Variants in MLLT11 observed in about 807,000 individuals in gnomAD.
MLLT11 encodes protein AF1q.
A neutral mutation model predicts 5.3 loss-of-function variants in MLLT11; 1 was observed. The observed-to-expected ratio is 0.19, with a 90% confidence interval of 0.07 to 0.89. The LOEUF (loss-of-function observed/expected upper bound fraction) is 0.89. Ranked by LOEUF, MLLT11 falls within the 40% of genes least tolerant of loss-of-function variation. The pLI is 0.67. For synonymous variants in MLLT11, 38 were observed against 41.7 expected (o/e 0.91, Z 0.34); for missense variants, 87 against 107.3 (o/e 0.81, Z 0.83).
intron 1 of MLLT11, 105 bp from the exon 2 acceptor site, chr1:151,067,114 A>G (rs1676485644): frequency 3.1e-6 from 3 of 969,842 alleles, no homozygotes; most frequent in African/African-American, 3.3e-5. Flanking sequence ...AAAAAAAAAA[A>G]AAGAAATTCC....
At chr1:151,060,948 A>G (rs935880204) in intron 1 of MLLT11, among the ~76,000 whole-genome samples, 1 of 151,770 alleles carries the variant, frequency 6.6e-6, no homozygotes, top group African/African-American at 2.4e-5. Context: ...GTAGTGTTCT[A>G]TGTTTCTCTG....
Position 151,068,985 on chromosome 1 carries a change from G to C in MLLT11, c.*1488G>C, listed in dbSNP as rs1250058605. On this transcript the variant is annotated 3_prime_UTR_variant, in exon 2 of 2. Coordinates refer to ENST00000368921, the MANE Select transcript of MLLT11 (RefSeq NM_006818.4). Reference sequence around the variant, plus strand: ...ACTTCGCATTGAACAGATAATGAAAGGGCAAAATCAACTTAAAATTAGAAA... The same window carrying C: ...ACTTCGCATTGAACAGATAATGAAACGGCAAAATCAACTTAAAATTAGAAA... Among the ~76,000 whole-genome samples the C allele has an allele frequency of 6.6e-6, 1 of 152,162 alleles. No individual in the cohort carries two copies. The highest frequency in any genetic ancestry group is 1.5e-5 in the Non-Finnish European group (1 of 68,030).
At chr1:151,061,388 A>T (rs587667244) in intron 1 of MLLT11, among the ~76,000 whole-genome samples, 2 of 152,234 alleles carry the variant, frequency 1.3e-5, no homozygotes, top group Admixed American at 6.5e-5. Flanking sequence ...TGGACAAAGG[A>T]TATTTGGGCG....
chr1:151,062,368 T>G, intron 1 of MLLT11, among the ~76,000 whole-genome samples: 1 of 150,902 alleles, frequency 6.6e-6, no homozygotes, highest in East Asian at 1.9e-4. Context: ...GATTCTATTT[T>G]TTTTTTTTTT....
At chr1:151,066,653 G>A (rs745649155) in intron 1 of MLLT11, among the ~76,000 whole-genome samples, 6 of 152,060 alleles carry the variant, frequency 3.9e-5, no homozygotes, top group African/African-American at 1.2e-4. Flanking sequence ...GGCCGGGCGC[G>A]GTGGCTCACA....
chr1:151,065,736 A>G (rs587751520), intron 1 of MLLT11, among the ~76,000 whole-genome samples: 2 of 152,378 alleles, frequency 1.3e-5, no homozygotes, highest in East Asian at 3.9e-4. Context: ...ACCATGAGCT[A>G]TTAAACCAAA....
In MLLT11 at chr1:151,067,793, G is replaced by A. The variant is rs779411264; in HGVS notation, c.*296G>A. The A allele has an allele frequency of 3.9e-5, 18 of 456,918 alleles. No individual in the cohort carries two copies. Among genetic ancestry groups the A allele is most frequent in the Non-Finnish European group, 5.7e-5 (14 of 243,956 alleles). 28.3% of individuals were successfully genotyped at this position (456,918 alleles called of 1,614,324 possible). A position where few individuals can be genotyped will look rare whatever the true frequency, so the allele number is the denominator to read the frequency against. On this transcript the variant is annotated 3_prime_UTR_variant, in exon 2 of 2. Coordinates refer to ENST00000368921, the MANE Select transcript of MLLT11 (RefSeq NM_006818.4). Reference sequence around the variant, plus strand: ...ACTAGGCCTGACTGGGGACACCTGAGAGTAGTATAGTAGTGCAAAATGGAA... The same window carrying A: ...ACTAGGCCTGACTGGGGACACCTGAAAGTAGTATAGTAGTGCAAAATGGAA...
intron 1 of MLLT11, among the ~76,000 whole-genome samples, chr1:151,061,147 G>A (rs967172334): frequency 2.0e-5 from 3 of 152,174 alleles, no homozygotes; most frequent in Non-Finnish European, 4.4e-5. Flanking sequence ...TAGCCCACAG[G>A]AGCTAGGTAT....
intron 1 of MLLT11, among the ~76,000 whole-genome samples, chr1:151,061,580 T>C (rs587668243): frequency 6.6e-6 from 1 of 152,298 alleles, no homozygotes; most frequent in East Asian, 1.9e-4. Context: ...CAAAACCCTT[T>C]AAGTAAATGA....
intron 1 of MLLT11, among the ~76,000 whole-genome samples, chr1:151,066,818 G>A (rs1402510384): frequency 1.3e-5 from 2 of 152,004 alleles, no homozygotes; most frequent in Non-Finnish European, 2.9e-5. Flanking sequence ...CCAGATACTC[G>A]GGAGGCTGAG....
In MLLT11 at chr1:151,067,519, T is replaced by A. The variant is rs1558112451; in HGVS notation, c.*22T>A. On this transcript the variant is annotated 3_prime_UTR_variant, in exon 2 of 2. Coordinates refer to ENST00000368921, the MANE Select transcript of MLLT11 (RefSeq NM_006818.4). ...CTAAGGCCAAGACTTCTCTCTCCCA[T>A]CACCTTGCCCTCATTGTCTTCCCTC... 1.2e-6 allele frequency: 2 copies of A among 1,608,330 alleles called. No homozygotes were observed.
intron 1 of MLLT11, among the ~76,000 whole-genome samples, chr1:151,064,977 C>T (rs1443197336): frequency 6.6e-6 from 1 of 151,716 alleles, no homozygotes; most frequent in Non-Finnish European, 1.5e-5. Flanking sequence ...TAAATGATAC[C>T]GTTTAAGATA....
intron 1 of MLLT11, among the ~76,000 whole-genome samples, chr1:151,062,224 A>G (rs1388298878): frequency 6.6e-6 from 1 of 152,172 alleles, no homozygotes; most frequent in East Asian, 1.9e-4. Context: ...GCAACTATCC[A>G]TGTACAACAC....
At chr1:151,061,542 G>T (rs1248578973) in intron 1 of MLLT11, among the ~76,000 whole-genome samples, 3 of 152,130 alleles carry the variant, frequency 2.0e-5, no homozygotes, top group Non-Finnish European at 4.4e-5. Flanking sequence ...AGCATTTATT[G>T]AACATATATT....
chr1:151,067,486 G>C lies in MLLT11; in HGVS notation c.262G>C (p.Asp88His), dbSNP rs779882393. 1.2e-6 allele frequency: 2 copies of C among 1,613,540 alleles called. No individual in the cohort carries two copies. Among genetic ancestry groups the C allele is most frequent in the South Asian group, 2.2e-5 (2 of 91,054 alleles). Residue 88 changes from aspartate to histidine, a missense_variant, in exon 2 of 2, where the codon GAC (aspartate) becomes CAC (histidine). Transcript: ENST00000368921. ...PIASIHSFEL[D>H]LL The stretch of plus-strand genomic sequence containing the variant: ...TGCCAGCATCCACTCCTTCGAACTG[G>C]ACTTGCTCTAAGGCCAAGACTTCTC...
chr1:151,068,502 A>C lies in MLLT11; in HGVS notation c.*1005A>C, dbSNP rs1676506231. ...TAAAGACATTCAATCCCAGGACTGG[A>C]GTCTAATTTTCTCTCTTCACAAGAA... On this transcript the variant is annotated 3_prime_UTR_variant, in exon 2 of 2. Transcript: ENST00000368921. The C allele has an allele frequency of 1.4e-5, 3 of 207,524 alleles. No homozygotes were observed. The highest frequency in any genetic ancestry group is 6.1e-5 in the Admixed American group (1 of 16,364). The allele number at this position is 207,524 out of a possible 1,614,324, so 12.9% of individuals were successfully genotyped here. A position where few individuals can be genotyped will look rare whatever the true frequency, so the allele number is the denominator to read the frequency against.
In MLLT11 at chr1:151,067,511, C is replaced by G; in HGVS notation, c.*14C>G. 6.2e-7 allele frequency: 1 copy of G among 1,610,552 alleles called. No homozygotes were observed. The highest frequency in any genetic ancestry group is 8.5e-7 in the Non-Finnish European group (1 of 1,178,054). On this transcript the variant is annotated 3_prime_UTR_variant, in exon 2 of 2. Transcript: ENST00000368921. ...GACTTGCTCTAAGGCCAAGACTTCT[C>G]TCTCCCATCACCTTGCCCTCATTGT...
At chr1:151,064,082 C>T (rs973439094) in intron 1 of MLLT11, among the ~76,000 whole-genome samples, 16 of 152,036 alleles carry the variant, frequency 1.1e-4, no homozygotes, top group African/African-American at 1.2e-4. Context: ...AGTGCAATGG[C>T]GAGATCTCGG....
intron 1 of MLLT11, among the ~76,000 whole-genome samples, chr1:151,065,236 T>G (rs145231116): frequency 6.6e-6 from 1 of 152,346 alleles, no homozygotes; most frequent in Non-Finnish European, 1.5e-5. Context: ...ATGTGTTTCT[T>G]GAATGTATTT....
Sources: allele counts gnomAD v4.1 joint callset (sites outside exome capture counted in the v4.1 genomes callset), GRCh38; gene constraint gnomAD v4.1.1; transcripts MANE v1.5; gene names NCBI Gene and HGNC (gene_info 2026-07-23, HGNC 2026-07-21).